The following HSPA12A variants were observed in gnomAD, a reference collection of about 807,000 sequenced individuals.
HSPA12A encodes the protein heat shock protein family A (Hsp70) member 12A.
In HSPA12A, 28 loss-of-function variants were observed where a neutral mutation model predicts 69.2. That is an observed-to-expected ratio of 0.40 (90% CI 0.30 to 0.55). HSPA12A has a LOEUF of 0.55. Among genes scored for constraint, HSPA12A ranks in the 20% least tolerant of loss-of-function variants. HSPA12A has a pLI of 0.38. For synonymous variants in HSPA12A, 345 were observed against 370.5 expected, an observed-to-expected ratio of 0.93 and a Z score of 0.79; for missense variants, 686 against 900.7, an observed-to-expected ratio of 0.76 and a Z score of 3.05.
intron 1 of HSPA12A, among the ~76,000 whole-genome samples, chr10:116,736,022 T>C (rs2133057453): frequency 6.6e-6 from 1 of 152,310 alleles, no homozygotes; most frequent in African/African-American, 2.4e-5. Flanking sequence ...AAAAGACTAT[T>C]GTTTTAACCC....
intron 3 of HSPA12A, among the ~76,000 whole-genome samples, chr10:116,704,101 C>T (rs377642832): frequency 2.6e-5 from 4 of 152,288 alleles, no homozygotes; most frequent in African/African-American, 9.6e-5. Flanking sequence ...ACCCAGCCAT[C>T]CCATTACTGG....
chr10:116,689,385 G>A (rs1203802492), intron 6 of HSPA12A, among the ~76,000 whole-genome samples: 5 of 152,066 alleles, frequency 3.3e-5, no homozygotes, highest in Admixed American at 1.3e-4. Context: ...CAGCTCTCCT[G>A]CCTGAAGTTG....
intron 1 of HSPA12A, among the ~76,000 whole-genome samples, chr10:116,737,449 TTACCTGC>T (rs1418080006): frequency 1.3e-5 from 2 of 152,124 alleles, no homozygotes; most frequent in African/African-American, 4.8e-5. Flanking sequence ...AAGCCCAGGT[TTACCTGC>T]ACACCCTACT....
chr10:116,756,747 A>G (rs1356932345), intron 2 of HSPA12A, among the ~76,000 whole-genome samples: 1 of 152,242 alleles, frequency 6.6e-6, no homozygotes, highest in Non-Finnish European at 1.5e-5. Context: ...TAAAACAAGC[A>G]TGGATTAAGG....
chr10:116,766,497 C>G (rs1844079688), intron 2 of HSPA12A, among the ~76,000 whole-genome samples: 1 of 152,210 alleles, frequency 6.6e-6, no homozygotes, highest in South Asian at 2.1e-4. Context: ...GAAAGGGACA[C>G]TTCTGCCCAT....
chr10:116,682,574 C>T (rs1849445809), intron 7 of HSPA12A, among the ~76,000 whole-genome samples: 1 of 152,184 alleles, frequency 6.6e-6, no homozygotes, highest in Non-Finnish European at 1.5e-5. Context: ...GGACAACCTC[C>T]GCTCCTGCTG....
chr10:116,783,161 G>T (rs1589703422), intron 2 of HSPA12A, among the ~76,000 whole-genome samples: 1 of 152,208 alleles, frequency 6.6e-6, no homozygotes, highest in South Asian at 2.1e-4. Flanking sequence ...TCCAGGAAGT[G>T]CCAATGGGAA....
At chr10:116,679,146 G>A (rs1356711999) in intron 10 of HSPA12A, among the ~76,000 whole-genome samples, 3 of 152,148 alleles carry the variant, frequency 2.0e-5, no homozygotes, top group African/African-American at 4.8e-5. Flanking sequence ...CTGCATACCA[G>A]GTTCTCTTCT....
chr10:116,675,529 A>G lies in HSPA12A; in HGVS notation c.1391-111T>C. The G allele has an allele frequency of 8.7e-7, 1 of 1,154,332 alleles. No individual in the cohort carries two copies. The highest frequency in any genetic ancestry group is 1.2e-6 in the Non-Finnish European group (1 of 830,434). The allele number at this position is 1,154,332 out of a possible 1,614,324, so 71.5% of individuals were successfully genotyped here. ...GGATAAAGCCACTTGGGCCACTGGG[A>G]GGGCAGGCTTACTCTGAGCTCCTTG... On this transcript the variant is annotated intron_variant, in intron 11 of 11. Coordinates refer to ENST00000369209, the MANE Select transcript of HSPA12A (RefSeq NM_025015.3). This position sits in a 1 kb window ranked among gnomAD's most constrained non-coding sequence, Gnocchi z 5.2.
chr10:116,736,354 C>T (rs917888656), intron 1 of HSPA12A, among the ~76,000 whole-genome samples: 1 of 152,158 alleles, frequency 6.6e-6, no homozygotes, highest in Non-Finnish European at 1.5e-5. Context: ...CATTTCCAAA[C>T]TTCAGACAGC....
intron 2 of HSPA12A, among the ~76,000 whole-genome samples, chr10:116,787,977 G>A (rs1243198476): frequency 6.6e-6 from 1 of 152,160 alleles, no homozygotes; most frequent in Non-Finnish European, 1.5e-5. Flanking sequence ...GAGGGTCGGG[G>A]ATAGGAGGGC....
chr10:116,741,359 G>C (rs1182350566), intron 1 of HSPA12A, among the ~76,000 whole-genome samples: 1 of 152,266 alleles, frequency 6.6e-6, no homozygotes, highest in African/African-American at 2.4e-5. Context: ...TTGGGGCCCC[G>C]CAGAGCCAAG....
intron 2 of HSPA12A, among the ~76,000 whole-genome samples, chr10:116,824,543 A>C (rs1328021500): frequency 1.3e-5 from 2 of 152,240 alleles, no homozygotes; most frequent in Non-Finnish European, 2.9e-5. Context: ...CTATCCATAC[A>C]ATGGAATATT....
intron 7 of HSPA12A, 92 bp from the exon 8 acceptor site, chr10:116,681,969 A>T: frequency 8.8e-7 from 1 of 1,133,278 alleles, no homozygotes; most frequent in Non-Finnish European, 1.3e-6. Flanking sequence ...GCATGAGGAG[A>T]TTTAGGGATG....
intron 2 of HSPA12A, chr10:116,831,184 G>T (rs978006745): frequency 6.6e-6 from 1 of 152,186 alleles, no homozygotes; most frequent in African/African-American, 2.4e-5. Flanking sequence ...GGCACTCAAT[G>T]AAAGGAAACC....
In HSPA12A at chr10:116,742,421, T is replaced by C. The variant is rs1464725995; in HGVS notation, c.40+9A>G. ...AGCCGCGGCCGCAGGACCCGCAGCCTGCGCTCACCTCGGGGCCCGTCGCTG... is the reference window on the plus strand; with the variant it reads ...AGCCGCGGCCGCAGGACCCGCAGCCCGCGCTCACCTCGGGGCCCGTCGCTG... On this transcript the variant is annotated intron_variant, in intron 1 of 11. Coordinates refer to ENST00000369209, the MANE Select transcript of HSPA12A (RefSeq NM_025015.3). 3.1e-5 allele frequency: 44 copies of C among 1,433,764 alleles called. No individual in the cohort carries two copies. The East Asian group carries it at 4.5e-4, about 15-fold the overall frequency. The allele number at this position is 1,433,764 out of a possible 1,614,324, so 88.8% of individuals were successfully genotyped here. A position where few individuals can be genotyped will look rare whatever the true frequency, so the allele number is the denominator to read the frequency against.
At chr10:116,794,892 T>A (rs1844784654) in intron 2 of HSPA12A, among the ~76,000 whole-genome samples, 1 of 152,054 alleles carries the variant, frequency 6.6e-6, no homozygotes, top group South Asian at 2.1e-4. Flanking sequence ...AACCCTTTGG[T>A]CAAAGAAGAA....
At chr10:116,818,909 A>T (rs1190276785) in intron 2 of HSPA12A, among the ~76,000 whole-genome samples, 1 of 152,096 alleles carries the variant, frequency 6.6e-6, no homozygotes, top group African/African-American at 2.4e-5. Flanking sequence ...ATCGCACCTA[A>T]GGGCACCCTT....
chr10:116,707,148 T>TGC lies in HSPA12A; in HGVS notation c.126+50_126+51dup, dbSNP rs146552482. ...ACGCACGTGTGCTCATGCGCACCCA[T>TGC]GCGCGCACACACACACACACACACA... On this transcript the variant is annotated intron_variant, in intron 2 of 11. Transcript: ENST00000369209. 1,019 of 969,170 alleles carry TGC rather than the reference T, an allele frequency of 1.1e-3. 6 individuals carry two copies. The African/African-American group carries it at 0.018, about 18-fold the overall frequency. The allele number at this position is 969,170 out of a possible 1,614,324, so 60.0% of individuals were successfully genotyped here. A position where few individuals can be genotyped will look rare whatever the true frequency, so the allele number is the denominator to read the frequency against.
Sources: gnomAD v4.1 joint callset for allele counts (sites outside exome capture counted in the v4.1 genomes callset) on GRCh38, gnomAD v4.1.1 for gene constraint, Gnocchi (gnomAD v3.1) non-coding constraint, MANE v1.5 for transcripts, NCBI Gene and HGNC (gene_info 2026-07-23, HGNC 2026-07-21) for gene names.